Variants in FHIP1A observed in about 807,000 individuals in gnomAD.
The protein encoded by FHIP1A is FHF complex subunit HOOK interacting protein 1A.
FHIP1A carries 61 observed loss-of-function variants against 88.6 expected under a neutral mutation model. The observed-to-expected ratio is 0.69, with a 90% CI of 0.56 to 0.85. FHIP1A has a LOEUF of 0.85. Ranked by LOEUF, FHIP1A falls within the 40% of genes least tolerant of loss-of-function variation. FHIP1A has a pLI of 0.00. For missense variants in FHIP1A, 1,154 were observed against 1,273.5 expected (o/e 0.91, Z 1.43); for synonymous variants, 478 against 496.0 (o/e 0.96, Z 0.48).
Position 151,646,735 on chromosome 4 carries a change from G to T in FHIP1A, c.1404G>T (p.Met468Ile). The change falls in exon 10 of 14, where the codon ATG (methionine) becomes ATT (isoleucine). Residue 468 changes from methionine to isoleucine, a missense_variant. Physicochemically the swap from Met to Ile is conservative, Grantham distance 10 (BLOSUM62 1). Transcript: ENST00000435205. ...ERDYILWSKCMHDTSGPVERP... is the reference protein window; with the variant it reads ...ERDYILWSKCIHDTSGPVERP... ...ATTATATTCTCTGGTCAAAGTGTAT[G>T]CATGACACTTCAGGTAGGAACTCGC... 7 of 1,546,560 alleles carry T rather than the reference G, an allele frequency of 4.5e-6. No individual in the cohort carries two copies. The highest frequency in any genetic ancestry group is 6.1e-6 in the Non-Finnish European group (7 of 1,143,356).
At chr4:151,651,217 T>G (rs1737019468) in intron 11 of FHIP1A, among the ~76,000 whole-genome samples, 1 of 152,176 alleles carries the variant, frequency 6.6e-6, no homozygotes. Context: ...GTGGGTATAT[T>G]CAATGATACA....
intron 1 of FHIP1A, among the ~76,000 whole-genome samples, chr4:151,443,371 G>A (rs953826520): frequency 1.3e-5 from 2 of 152,062 alleles, no homozygotes; most frequent in South Asian, 4.2e-4. Context: ...AGGCTGGATC[G>A]CAATGGTGTG....
intron 5 of FHIP1A, among the ~76,000 whole-genome samples, chr4:151,583,495 G>A (rs1429133856): frequency 6.6e-6 from 1 of 152,164 alleles, no homozygotes; most frequent in Non-Finnish European, 1.5e-5. Context: ...TTTAAAAAGT[G>A]AATATTACAT....
intron 3 of FHIP1A, among the ~76,000 whole-genome samples, chr4:151,560,202 A>G (rs1207125104): frequency 6.6e-6 from 1 of 152,170 alleles, no homozygotes; most frequent in Non-Finnish European, 1.5e-5. Context: ...CCTTTTTGAA[A>G]GATTGGTTTT....
rs76383931 is a variant in FHIP1A at position 151,600,409 on chromosome 4, G to A, written c.978+11483G>A. 3.0e-3 allele frequency among the ~76,000 whole-genome samples: 461 copies of A among 152,284 alleles called. 3 individuals carry two copies. The highest frequency in any genetic ancestry group is 0.011 in the African/African-American group (443 of 41,554). ...CTAGAATATGATTATCAGCCCTAAT[G>A]TTTGTCATATGTTATGTATTTAGTC... On this transcript the variant is annotated intron_variant, in intron 7 of 13. Coordinates refer to ENST00000435205, the MANE Select transcript of FHIP1A (RefSeq NM_001109977.3).
intron 10 of FHIP1A, 54 bp downstream of exon 10, chr4:151,646,802 C>T (rs1411864347): frequency 7.8e-7 from 1 of 1,278,978 alleles, no homozygotes; most frequent in Non-Finnish European, 1.1e-6. Context: ...TTCCATCTCG[C>T]CTTGGGATAT....
At chr4:151,523,551 A>G (rs1382383437) in intron 3 of FHIP1A, among the ~76,000 whole-genome samples, 2 of 151,830 alleles carry the variant, frequency 1.3e-5, no homozygotes, top group Non-Finnish European at 2.9e-5. Flanking sequence ...GGTAGGGGCT[A>G]TGTTTTTGTA....
intron 3 of FHIP1A, among the ~76,000 whole-genome samples, chr4:151,553,203 A>G (rs1341080858): frequency 3.3e-5 from 5 of 152,228 alleles, no homozygotes; most frequent in Admixed American, 3.3e-4. Flanking sequence ...ATGAAGATCA[A>G]TGATTAATGA....
At chr4:151,474,083 T>C (rs1381796188) in intron 2 of FHIP1A, among the ~76,000 whole-genome samples, 1 of 152,208 alleles carries the variant, frequency 6.6e-6, no homozygotes, top group Non-Finnish European at 1.5e-5. Flanking sequence ...TACCTTTGAA[T>C]AGAAGCCAAT....
At chr4:151,643,531 T>C (rs771096077) in intron 9 of FHIP1A, among the ~76,000 whole-genome samples, 1 of 152,248 alleles carries the variant, frequency 6.6e-6, no homozygotes, top group Non-Finnish European at 1.5e-5. Flanking sequence ...ATTTCTCTAC[T>C]GTACTATTAA....
chr4:151,595,328 G>C (rs371346405), intron 7 of FHIP1A, among the ~76,000 whole-genome samples: 3 of 152,292 alleles, frequency 2.0e-5, no homozygotes, highest in South Asian at 4.2e-4. Context: ...CCATGTAGTT[G>C]TGTGGTTTTG....
intron 1 of FHIP1A, among the ~76,000 whole-genome samples, chr4:151,437,120 G>A (rs569551288): frequency 4.6e-5 from 7 of 152,246 alleles, no homozygotes; most frequent in East Asian, 1.9e-4. Context: ...AGGGTTGAGT[G>A]TAGTACTCTT....
chr4:151,590,230 A>G (rs1734372653), intron 7 of FHIP1A, among the ~76,000 whole-genome samples: 1 of 152,192 alleles, frequency 6.6e-6, no homozygotes, highest in African/African-American at 2.4e-5. Context: ...ATATGCTCTC[A>G]CACATTTAGA....
intron 7 of FHIP1A, among the ~76,000 whole-genome samples, chr4:151,626,202 A>T (rs1031483254): frequency 1.3e-5 from 2 of 152,202 alleles, no homozygotes; most frequent in African/African-American, 4.8e-5. Flanking sequence ...AATATTTTCT[A>T]TTGGAATCTG....
At chr4:151,517,722 G>A (rs2126688951) in intron 3 of FHIP1A, among the ~76,000 whole-genome samples, 1 of 152,176 alleles carries the variant, frequency 6.6e-6, no homozygotes, top group African/African-American at 2.4e-5. Context: ...ATGTTCTGAT[G>A]ATTCTGACCA....
chr4:151,497,641 C>T (rs1730511941), intron 3 of FHIP1A, among the ~76,000 whole-genome samples: 1 of 152,178 alleles, frequency 6.6e-6, no homozygotes, highest in African/African-American at 2.4e-5. Context: ...TGTGTGTGCA[C>T]ATGCACACAC....
In FHIP1A at chr4:151,588,912, C is replaced by T. The variant is rs1445484020; in HGVS notation, c.964C>T (p.Pro322Ser). 3.2e-6 allele frequency: 5 copies of T among 1,548,368 alleles called. No homozygotes were observed. The highest frequency in any genetic ancestry group is 1.7e-4 in the Middle Eastern group (1 of 6,006). ...TGGATTTTTGGTACCAGTCTTGGCT[C>T]CTGCTCTCCATAAGGTCAGTGATTG... is the stretch of plus-strand genomic sequence containing the variant. The part of the protein sequence containing the change: ...YNGFLVPVLA[P>S]ALHKVTVEEV... Residue 322 changes from proline (P) to serine (S), a missense_variant, in exon 7 of 14, where the codon CCT (proline) becomes TCT (serine). Transcript: ENST00000435205.
intron 3 of FHIP1A, among the ~76,000 whole-genome samples, chr4:151,536,878 TA>T (rs1247059548): frequency 1.3e-5 from 2 of 152,156 alleles, no homozygotes; most frequent in Non-Finnish European, 2.9e-5. Flanking sequence ...TTTTATTCTT[TA>T]TTTTTTTGTT....
intron 7 of FHIP1A, among the ~76,000 whole-genome samples, chr4:151,611,872 A>G (rs561105999): frequency 6.6e-6 from 1 of 152,368 alleles, no homozygotes; most frequent in South Asian, 2.1e-4. Context: ...ATGAATTAAT[A>G]ACATCTCAGT....
Sources: allele counts gnomAD v4.1 joint callset (sites outside exome capture counted in the v4.1 genomes callset), GRCh38; gene constraint gnomAD v4.1.1; transcripts MANE v1.5; gene names NCBI Gene and HGNC (gene_info 2026-07-23, HGNC 2026-07-21).